Variants in GPHN observed in about 807,000 individuals in gnomAD.
GPHN encodes gephyrin.
A neutral mutation model predicts 95.5 loss-of-function variants in GPHN; 17 were observed. The ratio of observed to expected loss-of-function variants is 0.18; its 90% CI spans 0.12 to 0.27. The LOEUF (loss-of-function observed/expected upper bound fraction) is 0.27. Among genes scored for constraint, GPHN ranks in the 10% least tolerant of loss-of-function variants. The probability of loss-of-function intolerance (pLI) is 1.00; values close to 1 mark genes in which losing one functional copy is unlikely to be tolerated. For missense variants in GPHN, 660 were observed against 978.1 expected, an observed-to-expected ratio of 0.67 and a Z score of 4.34; for synonymous variants, 320 against 322.5, an observed-to-expected ratio of 0.99 and a Z score of 0.08.
chr14:67,424,233 A>T, the GPHN span, among the ~76,000 whole-genome samples: 1 of 151,628 alleles, frequency 6.6e-6, no homozygotes, highest in African/African-American at 2.4e-5. Flanking sequence ...AGAGCAAAAA[A>T]CTCTGTCTCA....
the GPHN span, among the ~76,000 whole-genome samples, chr14:67,498,257 GT>G: frequency 1.3e-5 from 2 of 152,086 alleles, no homozygotes; most frequent in Non-Finnish European, 2.9e-5. Flanking sequence ...TTGCCAAGAC[GT>G]TCTATAAGCT....
chr14:66,629,888 T>C (rs1273268563), intron 1 of GPHN, among the ~76,000 whole-genome samples: 1 of 152,220 alleles, frequency 6.6e-6, no homozygotes, highest in African/African-American at 2.4e-5. Flanking sequence ...ATTTTTAAGG[T>C]AATTTGAAAT....
the GPHN span, chr14:67,722,661 C>T: frequency 3.7e-6 from 6 of 1,613,952 alleles, no homozygotes; most frequent in Non-Finnish European, 5.1e-6. Context: ...CACCTTGGGA[C>T]TGCTCACCTC....
At chr14:66,682,274 A>G (rs1444439073) in intron 2 of GPHN, among the ~76,000 whole-genome samples, 2 of 152,116 alleles carry the variant, frequency 1.3e-5, no homozygotes, top group African/African-American at 2.4e-5. Context: ...TTTTATCCCT[A>G]CTATGAAGAT....
At chr14:67,530,488 T>C in the GPHN span, among the ~76,000 whole-genome samples, 1 of 152,202 alleles carries the variant, frequency 6.6e-6, no homozygotes, top group African/African-American at 2.4e-5. Context: ...TTTTTAAACA[T>C]TCCAGCCTAA....
the GPHN span, among the ~76,000 whole-genome samples, chr14:67,322,502 A>G: frequency 6.6e-6 from 1 of 152,224 alleles, no homozygotes; most frequent in Non-Finnish European, 1.5e-5. Context: ...AAATTAGGCA[A>G]CATAGTCAGT....
the GPHN span, among the ~76,000 whole-genome samples, chr14:67,229,609 A>G: frequency 8.5e-5 from 13 of 152,348 alleles, no homozygotes; most frequent in South Asian, 1.9e-3. Context: ...CCAAATTGAG[A>G]TATACCATAA....
At chr14:67,362,183 C>G in the GPHN span, among the ~76,000 whole-genome samples, 1 of 151,812 alleles carries the variant, frequency 6.6e-6, no homozygotes, top group Non-Finnish European at 1.5e-5. Flanking sequence ...CCACACCCAG[C>G]TAATTTTGGT....
At chr14:66,834,107 C>G (rs2061693243) in intron 4 of GPHN, among the ~76,000 whole-genome samples, 1 of 152,062 alleles carries the variant, frequency 6.6e-6, no homozygotes, top group East Asian at 1.9e-4. Context: ...TAATTTCTAC[C>G]CACTTGTCCT....
chr14:66,681,213 A>G (rs778622146), intron 2 of GPHN, 28 bp downstream of exon 2: 2 of 1,305,956 alleles, frequency 1.5e-6, no homozygotes, highest in Non-Finnish European at 1.1e-6. Flanking sequence ...AGTATTAAGT[A>G]TAAATTAAAA....
chr14:66,721,189 A>G (rs1258063913), intron 2 of GPHN, among the ~76,000 whole-genome samples: 1 of 152,214 alleles, frequency 6.6e-6, no homozygotes, highest in Non-Finnish European at 1.5e-5. Context: ...AGCCTTTTCC[A>G]TTAGACACTT....
chr14:66,545,486 A>G, intron 1 of GPHN, among the ~76,000 whole-genome samples: 1 of 119,650 alleles, frequency 8.4e-6, no homozygotes, highest in African/African-American at 3.8e-5. Flanking sequence ...CACCTCCCGG[A>G]CGGGGCGGCT....
chr14:67,610,765 G>A, the GPHN span, among the ~76,000 whole-genome samples: 2 of 152,046 alleles, frequency 1.3e-5, no homozygotes, highest in African/African-American at 4.8e-5. Flanking sequence ...CCAGCCAATC[G>A]TTTCAGTTCC....
rs184116021 is a variant in GPHN, at chr14:67,085,757, T to C, written c.1145-3226T>C. Reference sequence around the variant, plus strand: ...AACCATTTTTAAGTGTATGGTTCAATAGCATTAAGTACATTCACATTGTTC... The same window carrying C: ...AACCATTTTTAAGTGTATGGTTCAACAGCATTAAGTACATTCACATTGTTC... On this transcript the variant is annotated intron_variant, in intron 11 of 22. Transcript: ENST00000478722. Among the ~76,000 whole-genome samples the C allele has an allele frequency of 2.6e-5, 4 of 152,348 alleles. No individual in the cohort carries two copies. The East Asian group carries it at 7.7e-4, about 29-fold the overall frequency.
the GPHN span, among the ~76,000 whole-genome samples, chr14:67,362,269 C>T: frequency 6.6e-6 from 1 of 151,958 alleles, no homozygotes; most frequent in African/African-American, 2.4e-5. Flanking sequence ...ATCCACCCGC[C>T]TCGGCCTCCC....
chr14:66,726,735 A>G (rs1200106380), intron 2 of GPHN, among the ~76,000 whole-genome samples: 1 of 152,188 alleles, frequency 6.6e-6, no homozygotes, highest in Non-Finnish European at 1.5e-5. Flanking sequence ...ACCCTCCCTC[A>G]TCTGAAAATC....
chr14:66,766,295 A>G (rs566252661), intron 2 of GPHN, among the ~76,000 whole-genome samples: 1 of 152,318 alleles, frequency 6.6e-6, no homozygotes, highest in African/African-American at 2.4e-5. Context: ...CAGGAGGTGC[A>G]TGGGACTAAG....
the GPHN span, among the ~76,000 whole-genome samples, chr14:67,438,855 C>T: frequency 6.2e-5 from 8 of 128,492 alleles, no homozygotes; most frequent in East Asian, 2.1e-4. Context: ...AGTGAGACTC[C>T]GTCTCAAAAA....
At chr14:66,999,658 A>G (rs376909786) in intron 9 of GPHN, among the ~76,000 whole-genome samples, 3 of 151,854 alleles carry the variant, frequency 2.0e-5, no homozygotes, top group East Asian at 3.9e-4. Flanking sequence ...GCAAAGTGAA[A>G]AAAAAAGAAC....
Sources: gnomAD v4.1 joint callset for allele counts (sites outside exome capture counted in the v4.1 genomes callset) on GRCh38, gnomAD v4.1.1 for gene constraint, MANE v1.5 for transcripts, NCBI Gene and HGNC (gene_info 2026-07-23, HGNC 2026-07-21) for gene names.